Variants in SNCAIP observed in about 807,000 individuals in gnomAD.
SNCAIP encodes the protein synuclein alpha interacting protein, also known as synphilin-1.
A neutral mutation model predicts 86.7 loss-of-function variants in SNCAIP; 43 were observed. The ratio of observed to expected loss-of-function variants is 0.50; its 90% confidence interval spans 0.39 to 0.64. The LOEUF is 0.64. Ranked by LOEUF, SNCAIP falls within the 30% of genes least tolerant of loss-of-function variation. The probability of loss-of-function intolerance (pLI) is 0.00; values close to 1 mark genes in which losing one functional copy is unlikely to be tolerated. For synonymous variants in SNCAIP, 417 were observed against 427.2 expected (o/e 0.98, Z 0.29); for missense variants, 981 against 1,103.1 (o/e 0.89, Z 1.57).
chr5:122,389,404 G>T (rs1454407528), intron 1 of SNCAIP: 3 of 152,148 alleles, frequency 2.0e-5, no homozygotes, highest in African/African-American at 7.2e-5. Context: ...TTCATGAAAA[G>T]AAATTGGATT....
intron 1 of SNCAIP, among the ~76,000 whole-genome samples, chr5:122,341,913 A>T (rs2152723426): frequency 6.6e-6 from 1 of 152,284 alleles, no homozygotes; most frequent in South Asian, 2.1e-4. Context: ...CCACTTCTTG[A>T]TTATGTCATG....
intron 8 of SNCAIP, among the ~76,000 whole-genome samples, chr5:122,448,872 T>A (rs1056625815): frequency 6.6e-6 from 1 of 150,780 alleles, no homozygotes; most frequent in Non-Finnish European, 1.5e-5. Context: ...AAAAATTAGC[T>A]GGGCGGAGTG....
chr5:122,357,764 G>T (rs897689335), intron 1 of SNCAIP, among the ~76,000 whole-genome samples: 1 of 151,988 alleles, frequency 6.6e-6, no homozygotes, highest in Non-Finnish European at 1.5e-5. Flanking sequence ...AAATTAAAAT[G>T]ATGAAATAAA....
At chr5:122,439,505 C>T (rs1780315495) in intron 6 of SNCAIP, among the ~76,000 whole-genome samples, 1 of 152,154 alleles carries the variant, frequency 6.6e-6, no homozygotes, top group Admixed American at 6.5e-5. Flanking sequence ...TAAACAGTGC[C>T]CTGTTCCCCA....
rs572290361 is a variant in SNCAIP at position 122,461,175 on chromosome 5, C to A, written c.2755-2316C>A. On this transcript the variant is annotated intron_variant, in intron 10 of 10. Coordinates refer to ENST00000261368, the MANE Select transcript of SNCAIP (RefSeq NM_005460.4). ...AATTATTCTCTTTCAGAATCTTGAA[C>A]ACATCATTTCATTTTCTTTTGCTTC... Among the ~76,000 whole-genome samples the A allele has an allele frequency of 1.5e-4, 23 of 152,292 alleles. No homozygotes were observed. The South Asian group carries it at 4.8e-3, about 32-fold the overall frequency.
At chr5:122,422,177 G>C (rs1007442108) in intron 3 of SNCAIP, among the ~76,000 whole-genome samples, 5 of 152,118 alleles carry the variant, frequency 3.3e-5, no homozygotes, top group African/African-American at 1.2e-4. Flanking sequence ...ATGTCAGAAA[G>C]CACCATGAAA....
chr5:122,414,036 A>G (rs1774722420), intron 3 of SNCAIP, among the ~76,000 whole-genome samples: 1 of 152,062 alleles, frequency 6.6e-6, no homozygotes, highest in African/African-American at 2.4e-5. Context: ...CAGCTTCCCT[A>G]GTAGATGAAA....
At chr5:122,441,097 T>C in intron 7 of SNCAIP, 1 of 248,456 alleles carries the variant, frequency 4.0e-6, no homozygotes, top group Non-Finnish European at 7.9e-6. Context: ...CATCTGTCTC[T>C]CAAGTGGCAG....
intron 2 of SNCAIP, among the ~76,000 whole-genome samples, chr5:122,393,088 G>A (rs1769778044): frequency 6.6e-6 from 1 of 152,132 alleles, no homozygotes; most frequent in South Asian, 2.1e-4. Flanking sequence ...CAATAGTTGA[G>A]TGTCTATAAC....
Position 122,450,999 on chromosome 5 carries a change from C to T in SNCAIP, c.2152C>T (p.His718Tyr). 1 of 1,614,152 alleles carries T rather than the reference C, an allele frequency of 6.2e-7. No homozygotes were observed. ...GAGTATGGACAGCGCAGAAAGCCTG[C>T]ACCTGATGATTAAGAAACACACCTT... ...VESMDSAESL[H>Y]LMIKKHTLAS... Residue 718 changes from histidine to tyrosine, a missense_variant, in exon 10 of 11, where the codon CAC becomes TAC. Physicochemically the swap from His to Tyr is moderately conservative, Grantham distance 83. Transcript: ENST00000261368.
chr5:122,384,609 G>C (rs73285602), intron 1 of SNCAIP, among the ~76,000 whole-genome samples: 1,625 of 152,300 alleles, frequency 0.011, 33 homozygotes, highest in African/African-American at 0.038. Flanking sequence ...GCAAGTATAT[G>C]TAATAGCACC....
intron 1 of SNCAIP, among the ~76,000 whole-genome samples, chr5:122,340,412 T>C (rs1757326781): frequency 6.6e-6 from 1 of 152,158 alleles, no homozygotes. Context: ...CTGGCAAGAA[T>C]TATTAAGTGG....
In SNCAIP at chr5:122,379,749, AG is replaced by A. The variant is rs1369770286; in HGVS notation, c.-46-11337del. Among the ~76,000 whole-genome samples, 10 of 148,904 alleles carry A rather than the reference AG, an allele frequency of 6.7e-5. 1 individual carries two copies. The highest frequency in any genetic ancestry group is 2.1e-4 in the South Asian group (1 of 4,656). On this transcript the variant is annotated intron_variant, in intron 1 of 10. Coordinates refer to ENST00000261368, the MANE Select transcript of SNCAIP (RefSeq NM_005460.4). Reference sequence around the variant, plus strand: ...AATTTATTGAGAGTTTTTAGCATGAAGGGTTGTTGAATTTTGTCAAAGGCTT... The same window carrying A: ...AATTTATTGAGAGTTTTTAGCATGAAGGTTGTTGAATTTTGTCAAAGGCTT...
rs528447718 is a variant in SNCAIP at position 122,443,082 on chromosome 5, A to G, written c.1423-1481A>G. 5.9e-5 allele frequency among the ~76,000 whole-genome samples: 9 copies of G among 152,280 alleles called. No homozygotes were observed. The South Asian group carries it at 1.9e-3, about 32-fold the overall frequency. On this transcript the variant is annotated intron_variant, in intron 7 of 10. Coordinates refer to ENST00000261368, the MANE Select transcript of SNCAIP (RefSeq NM_005460.4). ...AGAGCCCTGAGAGCTCAATACTGAC[A>G]TGGTCTCTGTGACACTCCTGTGAGG...
chr5:122,318,966 CTTTT>C (rs58667095), intron 1 of SNCAIP, among the ~76,000 whole-genome samples: 1,722 of 130,618 alleles, frequency 0.013, 34 homozygotes, highest in Admixed American at 0.038. Flanking sequence ...CTGTTATCAT[CTTTT>C]TTTTTTTTTT....
chr5:122,451,414 A>C lies in SNCAIP; in HGVS notation c.2567A>C (p.Gln856Pro), dbSNP rs973091529. The change falls in exon 10 of 11, where the codon CAA becomes CCA. Residue 856 changes from glutamine (Q) to proline (P), a missense_variant. By Grantham distance (76) the Gln-to-Pro change is moderately conservative. Transcript: ENST00000261368. ...RTSTSNESGDQLKRPFGAFRS... is the reference protein window; with the variant it reads ...RTSTSNESGDPLKRPFGAFRS... ...TCCACAAGTAACGAATCGGGGGATC[A>C]ACTGAAAAGGCCTTTTGGAGCCTTT... 1.2e-6 allele frequency: 2 copies of C among 1,614,148 alleles called. No individual in the cohort carries two copies. The highest frequency in any genetic ancestry group is 1.7e-6 in the Non-Finnish European group (2 of 1,180,018).
intron 1 of SNCAIP, among the ~76,000 whole-genome samples, chr5:122,381,085 C>T (rs1249211359): frequency 2.8e-4 from 42 of 147,840 alleles, no homozygotes; most frequent in South Asian, 8.9e-4. Context: ...AGTTGAATTC[C>T]TGGGTATCCT....
chr5:122,428,081 A>G (rs1399311572), intron 5 of SNCAIP, among the ~76,000 whole-genome samples: 2 of 152,208 alleles, frequency 1.3e-5, no homozygotes, highest in African/African-American at 4.8e-5. Flanking sequence ...GTTTTCTAAA[A>G]CAGGACAGAA....
At chr5:122,378,642 T>C (rs570561968) in intron 1 of SNCAIP, among the ~76,000 whole-genome samples, 4 of 136,316 alleles carry the variant, frequency 2.9e-5, no homozygotes, top group African/African-American at 1.1e-4. Flanking sequence ...TGGTAATGCC[T>C]AGGTTTTCTT....
Sources: allele counts gnomAD v4.1 joint callset (sites outside exome capture counted in the v4.1 genomes callset), GRCh38; gene constraint gnomAD v4.1.1; transcripts MANE v1.5; gene names NCBI Gene and HGNC (gene_info 2026-07-23, HGNC 2026-07-21).